ABI3BP: variants seen among roughly 807,000 people sequenced by gnomAD.
ABI3BP encodes the protein target of Nesh-SH3.
ABI3BP carries 216 observed loss-of-function variants against 268.6 expected under a neutral mutation model. The observed-to-expected ratio is 0.80, with a 90% confidence interval of 0.72 to 0.90. The LOEUF is 0.90. Ranked by LOEUF, ABI3BP falls within the 40% of genes least tolerant of loss-of-function variation. The probability of loss-of-function intolerance (pLI) is 0.00; values close to 1 mark genes in which losing one functional copy is unlikely to be tolerated. For missense variants in ABI3BP, 2,090 were observed against 2,182.4 expected, an observed-to-expected ratio of 0.96 and a Z score of 0.84; for synonymous variants, 730 against 730.0, an observed-to-expected ratio of 1.00 and a Z score of 0.00.
At chr3:100,899,139 G>A (rs1299897519) in intron 3 of ABI3BP, among the ~76,000 whole-genome samples, 1 of 152,082 alleles carries the variant, frequency 6.6e-6, no homozygotes, top group Non-Finnish European at 1.5e-5. Flanking sequence ...ACATGTATAT[G>A]TATATTGTAC....
intron 14 of ABI3BP, among the ~76,000 whole-genome samples, chr3:100,857,516 C>T (rs914675684): frequency 1.3e-4 from 20 of 152,162 alleles, no homozygotes; most frequent in Middle Eastern, 3.2e-3. Context: ...ACATTCACAA[C>T]GAGAATAAGC....
chr3:100,982,657 C>G (rs928920438), intron 1 of ABI3BP, among the ~76,000 whole-genome samples: 1 of 151,892 alleles, frequency 6.6e-6, no homozygotes, highest in African/African-American at 2.4e-5. Context: ...ATTAGGTAAA[C>G]CTGATATGGG....
At chr3:100,857,178 C>T (rs2098949759) in intron 14 of ABI3BP, among the ~76,000 whole-genome samples, 1 of 151,796 alleles carries the variant, frequency 6.6e-6, no homozygotes, top group Non-Finnish European at 1.5e-5. Context: ...TTTTTCTTCT[C>T]TCCTCCTCAT....
intron 2 of ABI3BP, among the ~76,000 whole-genome samples, chr3:100,907,760 A>T (rs2153534515): frequency 6.6e-6 from 1 of 152,068 alleles, no homozygotes; most frequent in East Asian, 1.9e-4. Flanking sequence ...TCTGGATCTG[A>T]CAGCACATAA....
chr3:100,823,658 G>A (rs1022885442), intron 36 of ABI3BP, 144 bp from the exon 37 acceptor site: 2 of 650,718 alleles, frequency 3.1e-6, no homozygotes, highest in Non-Finnish European at 5.0e-6. Context: ...GAAAGAATGT[G>A]TGTTTGTTCA....
At chr3:100,973,024 A>G (rs2084399155) in intron 1 of ABI3BP, among the ~76,000 whole-genome samples, 2 of 152,154 alleles carry the variant, frequency 1.3e-5, no homozygotes, top group African/African-American at 4.8e-5. Flanking sequence ...CAGTTGACAT[A>G]GCACCACACC....
chr3:100,879,578 T>C (rs796471554), intron 6 of ABI3BP, among the ~76,000 whole-genome samples: 3 of 152,348 alleles, frequency 2.0e-5, no homozygotes, highest in African/African-American at 7.2e-5. Flanking sequence ...CAAGGACAAA[T>C]GGAAAATATT....
chr3:100,836,384 C>T (rs1336652601), intron 27 of ABI3BP, among the ~76,000 whole-genome samples: 1 of 152,118 alleles, frequency 6.6e-6, no homozygotes, highest in Non-Finnish European at 1.5e-5. Context: ...ACCCAGAAGG[C>T]TAAATGTAAC....
chr3:100,805,645 AG>A (rs2097686188), intron 50 of ABI3BP, among the ~76,000 whole-genome samples: 2 of 151,994 alleles, frequency 1.3e-5, no homozygotes, highest in Admixed American at 6.6e-5. Context: ...AATCTGCTTG[AG>A]GTTATGGTTA....
chr3:100,829,699 T>A (rs2098451433), intron 32 of ABI3BP, 35 bp from the exon 33 acceptor site: 1 of 1,466,074 alleles, frequency 6.8e-7, no homozygotes, highest in African/African-American at 1.4e-5. Flanking sequence ...ATACAGCGTG[T>A]TTGGTTCCGG....
chr3:100,752,698 G>C, intron 66 of ABI3BP, 89 bp downstream of exon 66: 1 of 1,445,542 alleles, frequency 6.9e-7, no homozygotes, highest in Non-Finnish European at 9.3e-7. Flanking sequence ...ATTCGTGCCT[G>C]AAACTCTTAA....
intron 1 of ABI3BP, among the ~76,000 whole-genome samples, chr3:100,948,764 C>T (rs1045177999): frequency 6.6e-6 from 1 of 152,112 alleles, no homozygotes; most frequent in African/African-American, 2.4e-5. Context: ...TGGGACCAGA[C>T]ATTTTTCAAA....
At chr3:100,836,679 A>C (rs2098596789) in intron 27 of ABI3BP, among the ~76,000 whole-genome samples, 1 of 152,212 alleles carries the variant, frequency 6.6e-6, no homozygotes, top group East Asian at 1.9e-4. Context: ...CATATGAATA[A>C]TGTGGAACAG....
chr3:100,910,069 C>G (rs1015757190), intron 2 of ABI3BP, among the ~76,000 whole-genome samples: 8 of 152,268 alleles, frequency 5.3e-5, no homozygotes, highest in Middle Eastern at 6.8e-3. Context: ...CACATATACA[C>G]TATGCAGCCA....
intron 1 of ABI3BP, among the ~76,000 whole-genome samples, chr3:100,964,295 T>C (rs887875415): frequency 6.6e-6 from 1 of 152,246 alleles, no homozygotes; most frequent in African/African-American, 2.4e-5. Flanking sequence ...AGATTAGGGG[T>C]TGGGGGACCA....
At chr3:100,945,286 T>C (rs979242104) in intron 1 of ABI3BP, among the ~76,000 whole-genome samples, 3 of 152,120 alleles carry the variant, frequency 2.0e-5, no homozygotes, top group Admixed American at 6.6e-5. Flanking sequence ...ATGGAAGAAA[T>C]ATATGTGACT....
intron 6 of ABI3BP, among the ~76,000 whole-genome samples, chr3:100,881,644 CAA>C (rs1038366453): frequency 2.1e-5 from 3 of 144,404 alleles, no homozygotes; most frequent in East Asian, 2.1e-4. Context: ...GTTTTACCTT[CAA>C]AAAAAAGAGT....
intron 19 of ABI3BP, 199 bp from the exon 20 acceptor site, chr3:100,846,645 G>GA (rs1282200806): frequency 3.1e-5 from 13 of 415,166 alleles, no homozygotes; most frequent in Non-Finnish European, 4.3e-6. Context: ...ATCTTGTTTA[G>GA]AAAAAACATT....
chr3:100,846,373 A>G lies in ABI3BP; in HGVS notation c.1722T>C (p.Pro574=), dbSNP rs765348061. The G allele has an allele frequency of 3.8e-6, 6 of 1,580,898 alleles. No homozygotes were observed. Among genetic ancestry groups the G allele is most frequent in the East Asian group, 2.3e-5 (1 of 44,272 alleles). ...TTCAAAAAAGTTTAGGGTAATTACC[A>G]GGTTTGGTGTGTGTCACTTCTGGGC... ...PLSPEVTHTK[P]APEPQTLLPS... Residue 574 remains proline, a splice_region_variant and synonymous_variant, in exon 20 of 68, where the codon CCT becomes CCC. Transcript: ENST00000471714.
Sources: gnomAD v4.1 joint callset for allele counts (sites outside exome capture counted in the v4.1 genomes callset) on GRCh38, gnomAD v4.1.1 for gene constraint, MANE v1.5 for transcripts, NCBI Gene and HGNC (gene_info 2026-07-23, HGNC 2026-07-21) for gene names.